RAC1: variants seen among roughly 807,000 people sequenced by gnomAD.
RAC1 encodes ras-related C3 botulinum toxin substrate 1.
In RAC1, 2 loss-of-function variants were observed where a neutral mutation model predicts 25.2. That is an observed-to-expected ratio of 0.08 (90% CI 0.03 to 0.25). RAC1 has a LOEUF of 0.25. RAC1 is among the 10% of genes least tolerant of loss of function. The probability of loss-of-function intolerance (pLI) is 1.00; values close to 1 mark genes in which losing one functional copy is unlikely to be tolerated. For synonymous variants in RAC1, 88 were observed against 94.0 expected, an observed-to-expected ratio of 0.94 and a Z score of 0.37; for missense variants, 50 against 235.7, an observed-to-expected ratio of 0.21 and a Z score of 5.16.
intron 1 of RAC1, among the ~76,000 whole-genome samples, chr7:6,379,016 G>A (rs1344444715): frequency 2.0e-5 from 3 of 152,206 alleles, no homozygotes; most frequent in Non-Finnish European, 4.4e-5. Flanking sequence ...TTTGAATCAA[G>A]GGAGGTGGAA....
chr7:6,376,682 T>A (rs1485044134), intron 1 of RAC1, among the ~76,000 whole-genome samples: 3 of 149,342 alleles, frequency 2.0e-5, no homozygotes, highest in African/African-American at 7.3e-5. Context: ...GTTTTTTTTT[T>A]TTTTTTTTGT....
At chr7:6,377,578 G>C (rs59850380) in intron 1 of RAC1, among the ~76,000 whole-genome samples, 2 of 152,134 alleles carry the variant, frequency 1.3e-5, no homozygotes, top group Non-Finnish European at 1.5e-5. Flanking sequence ...CCGTGCGACA[G>C]AGTGAGACCT....
At chr7:6,382,149 A>G (rs34300338) in intron 1 of RAC1, among the ~76,000 whole-genome samples, 3,462 of 152,026 alleles carry the variant, frequency 0.023, 141 homozygotes, top group African/African-American at 0.079. Context: ...GCCTGCCACC[A>G]CACTCAGCTA....
intron 2 of RAC1, among the ~76,000 whole-genome samples, chr7:6,389,384 A>T (rs999442881): frequency 4.2e-5 from 6 of 144,556 alleles, no homozygotes; most frequent in African/African-American, 1.5e-4. Flanking sequence ...AATCTTTTGA[A>T]TTTTTTTTTT....
In RAC1 at chr7:6,402,526, A is replaced by AAAAAAAAAAAAAAAAAAAAAC. The variant is rs1562471619; in HGVS notation, c.*91_*92insAAAAAAAAACAAAAAAAAAAA. ...TCAAAAAAAAACAAAAAAAAAAAACAAAAAAAAAAAACAACGGTGGAGCCT... is the reference window on the plus strand; with the variant it reads ...TCAAAAAAAAACAAAAAAAAAAAACAAAAAAAAAAAAAAAAAAAAACAAAAAAAAAAACAACGGTGGAGCCT... On this transcript the variant is annotated 3_prime_UTR_variant, in exon 6 of 6. Coordinates refer to ENST00000348035, the MANE Select transcript of RAC1 (RefSeq NM_006908.5). 2.8e-6 allele frequency: 2 copies of AAAAAAAAAAAAAAAAAAAAAC among 703,930 alleles called. No homozygotes were observed. The highest frequency in any genetic ancestry group is 2.3e-5 in the African/African-American group (1 of 44,298). The allele number at this position is 703,930 out of a possible 1,614,324, so 43.6% of individuals were successfully genotyped here.
At chr7:6,401,357 ATTTC>A (rs1252113870) in intron 4 of RAC1, among the ~76,000 whole-genome samples, 2 of 152,148 alleles carry the variant, frequency 1.3e-5, no homozygotes, top group Non-Finnish European at 2.9e-5. Flanking sequence ...AATAACGACC[ATTTC>A]TTTCTACTCC....
At chr7:6,379,622 T>C (rs1477812481) in intron 1 of RAC1, among the ~76,000 whole-genome samples, 6 of 152,156 alleles carry the variant, frequency 3.9e-5, no homozygotes, top group Admixed American at 2.6e-4. Flanking sequence ...GTTGACCAGG[T>C]TGGTTTCGAA....
intron 2 of RAC1, 28 bp downstream of exon 2, chr7:6,387,311 T>C (rs764567604): frequency 2.1e-6 from 3 of 1,422,276 alleles, no homozygotes; most frequent in Middle Eastern, 1.8e-4. Context: ...GGAATTAACC[T>C]GTTTGTGTTA....
chr7:6,402,733 C>T lies in RAC1; in HGVS notation c.*287C>T, dbSNP rs114923537. The T allele has an allele frequency of 4.7e-3, 1,325 of 283,842 alleles. 10 individuals carry two copies. The highest frequency in any genetic ancestry group is 0.018 in the African/African-American group (834 of 45,948). 17.6% of individuals were successfully genotyped at this position (283,842 alleles called of 1,614,324 possible). A position where few individuals can be genotyped will look rare whatever the true frequency, so the allele number is the denominator to read the frequency against. On this transcript the variant is annotated 3_prime_UTR_variant, in exon 6 of 6. Transcript: ENST00000348035. ...CCTTATTTTTCAAAAGCGCCCCCCC[C>T]ATTCTTGTTCAGATTAAGAGTTGCC...
chr7:6,388,286 A>G (rs1782980126), intron 2 of RAC1, among the ~76,000 whole-genome samples: 1 of 150,026 alleles, frequency 6.7e-6, no homozygotes, highest in African/African-American at 2.5e-5. Context: ...GGCACAACAC[A>G]CACCCAGGTG....
At chr7:6,376,680 T>G in intron 1 of RAC1, among the ~76,000 whole-genome samples, 2 of 149,646 alleles carry the variant, frequency 1.3e-5, no homozygotes, top group Non-Finnish European at 3.0e-5. Flanking sequence ...TTGTTTTTTT[T>G]TTTTTTTTTT....
At chr7:6,379,647 C>T (rs1782709079) in intron 1 of RAC1, among the ~76,000 whole-genome samples, 2 of 152,206 alleles carry the variant, frequency 1.3e-5, no homozygotes, top group African/African-American at 4.8e-5. Context: ...TGACCTTAGG[C>T]GATCTGCCCG....
At position 6,393,231 on chromosome 7, in the gene RAC1, C is replaced by T. The variant is rs549696768; in HGVS notation, c.225+1190C>T. ...GGGTGAAATAACTTAGTGGTTAAGTCTGCTGTATTAAAAATCAGTCTATAA... is the reference window on the plus strand; with the variant it reads ...GGGTGAAATAACTTAGTGGTTAAGTTTGCTGTATTAAAAATCAGTCTATAA... On this transcript the variant is annotated intron_variant, in intron 3 of 5. Coordinates refer to ENST00000348035, the MANE Select transcript of RAC1 (RefSeq NM_006908.5). Among the ~76,000 whole-genome samples the T allele has an allele frequency of 2.7e-4, 41 of 152,160 alleles. 1 individual carries two copies. Among genetic ancestry groups the T allele is most frequent in the Non-Finnish European group, 4.9e-4 (33 of 68,038 alleles).
At chr7:6,400,086 G>C (rs762492724) in intron 3 of RAC1, 40 bp from the exon 4 acceptor site, 160 of 1,546,558 alleles carry the variant, frequency 1.0e-4, no homozygotes, top group Non-Finnish European at 1.4e-4. Flanking sequence ...TTCATTCTAA[G>C]GTTGTTGTCT....
intron 1 of RAC1, among the ~76,000 whole-genome samples, chr7:6,380,805 TC>T (rs1782741745): frequency 6.6e-6 from 1 of 152,222 alleles, no homozygotes; most frequent in African/African-American, 2.4e-5. Flanking sequence ...TATCATGTCT[TC>T]CTGTTATCAG....
intron 1 of RAC1, among the ~76,000 whole-genome samples, chr7:6,381,323 C>T (rs1204720840): frequency 1.3e-5 from 2 of 151,662 alleles, no homozygotes; most frequent in African/African-American, 4.9e-5. Flanking sequence ...ATAGTGTCTT[C>T]AGCCTAAGTG....
At chr7:6,397,081 A>G (rs1400821856) in intron 3 of RAC1, among the ~76,000 whole-genome samples, 1 of 147,492 alleles carries the variant, frequency 6.8e-6, no homozygotes, top group Non-Finnish European at 1.5e-5. Context: ...TCTACTAAAA[A>G]TACAAAAAAT....
chr7:6,402,876 G>C lies in RAC1; in HGVS notation c.*430G>C, dbSNP rs1284949732. On this transcript the variant is annotated 3_prime_UTR_variant, in exon 6 of 6. Coordinates refer to ENST00000348035, the MANE Select transcript of RAC1 (RefSeq NM_006908.5). ...CTGCAGTTAGGAGGTGCAGACACTT[G>C]CTCTCCTATGTAGTTCTCAGATGCG... 2 of 198,170 alleles carry C rather than the reference G, an allele frequency of 1.0e-5. No individual in the cohort carries two copies. The highest frequency in any genetic ancestry group is 2.1e-5 in the Non-Finnish European group (2 of 95,482). 12.3% of individuals were successfully genotyped at this position (198,170 alleles called of 1,614,324 possible).
chr7:6,376,779 G>GTTTT (rs35795933), intron 1 of RAC1, among the ~76,000 whole-genome samples: 1 of 116,382 alleles, frequency 8.6e-6, no homozygotes, highest in Non-Finnish European at 1.7e-5. Context: ...GCCTCGGCCT[G>GTTTT]TTTTTTTTTT....
Sources: gnomAD v4.1 joint callset for allele counts (sites outside exome capture counted in the v4.1 genomes callset) on GRCh38, gnomAD v4.1.1 for gene constraint, MANE v1.5 for transcripts, NCBI Gene and HGNC (gene_info 2026-07-23, HGNC 2026-07-21) for gene names.